Variants in CLNK observed in about 807,000 individuals in gnomAD.
CLNK encodes the protein cytokine dependent hematopoietic cell linker.
A neutral mutation model predicts 68.6 loss-of-function variants in CLNK; 74 were observed. The ratio of observed to expected loss-of-function variants is 1.08; its 90% CI spans 0.89 to 1.31. The LOEUF (loss-of-function observed/expected upper bound fraction) is 1.31. CLNK is among the 50% of genes most tolerant of loss of function. The probability of loss-of-function intolerance (pLI) is 0.00; values close to 1 mark genes in which losing one functional copy is unlikely to be tolerated. For synonymous variants in CLNK, 198 were observed against 172.2 expected (o/e 1.15, Z -1.17); for missense variants, 553 against 515.3 (o/e 1.07, Z -0.71).
chr4:10,537,706 C>CCTTCCTTGCTTT (rs1553848181), intron 11 of CLNK, among the ~76,000 whole-genome samples: 1 of 13,376 alleles, frequency 7.5e-5, no homozygotes, highest in African/African-American at 2.7e-4. Flanking sequence ...TTCCTTCCTT[C>CCTTCCTTGCTTT]CTTTCTTTCT....
intron 1 of CLNK, among the ~76,000 whole-genome samples, chr4:10,683,083 G>C (rs1037696511): frequency 1.3e-5 from 2 of 152,046 alleles, no homozygotes; most frequent in Non-Finnish European, 2.9e-5. Context: ...TATTATTGAG[G>C]CTAAATAATT....
At chr4:10,568,595 A>C (rs1219713046) in intron 5 of CLNK, among the ~76,000 whole-genome samples, 1 of 152,252 alleles carries the variant, frequency 6.6e-6, no homozygotes, top group African/African-American at 2.4e-5. Context: ...GAGATCTGGC[A>C]GAAGGACAAT....
At chr4:10,608,131 G>A (rs1721857393) in intron 2 of CLNK, among the ~76,000 whole-genome samples, 1 of 152,050 alleles carries the variant, frequency 6.6e-6, no homozygotes, top group African/African-American at 2.4e-5. Flanking sequence ...TCTTTCTCCC[G>A]GACCCCTGCA....
chr4:10,580,102 T>C (rs1469289815), intron 4 of CLNK, among the ~76,000 whole-genome samples: 1 of 152,200 alleles, frequency 6.6e-6, no homozygotes, highest in Non-Finnish European at 1.5e-5. Context: ...CATGTGTCCA[T>C]GTTGTTTTAT....
intron 7 of CLNK, among the ~76,000 whole-genome samples, chr4:10,562,776 C>T (rs1224980582): frequency 3.9e-5 from 6 of 152,104 alleles, no homozygotes; most frequent in African/African-American, 1.2e-4. Context: ...TTTTCCTTGA[C>T]CTTCCTTGTC....
chr4:10,508,081 G>T, intron 16 of CLNK, 45 bp from the exon 17 acceptor site: 1 of 1,415,992 alleles, frequency 7.1e-7, no homozygotes, highest in East Asian at 2.3e-5. Context: ...TCAATGGGAA[G>T]TATGAATTAT....
intron 8 of CLNK, among the ~76,000 whole-genome samples, chr4:10,555,008 C>T (rs1365792131): frequency 2.0e-5 from 3 of 152,202 alleles, no homozygotes; most frequent in African/African-American, 4.8e-5. Flanking sequence ...CTTGAGCAAG[C>T]CACTTCCCTT....
At chr4:10,654,619 A>G (rs1032142416) in intron 2 of CLNK, among the ~76,000 whole-genome samples, 4 of 151,572 alleles carry the variant, frequency 2.6e-5, no homozygotes, top group Admixed American at 1.3e-4. Context: ...ATAAAATTTA[A>G]TTACTTATAG....
chr4:10,575,129 C>T (rs967581904), intron 4 of CLNK, among the ~76,000 whole-genome samples: 2 of 152,194 alleles, frequency 1.3e-5, no homozygotes, highest in African/African-American at 4.8e-5. Flanking sequence ...CTGAGTTGAG[C>T]CCAGTCTCTC....
chr4:10,620,169 T>C (rs964559100), intron 2 of CLNK, among the ~76,000 whole-genome samples: 3 of 152,122 alleles, frequency 2.0e-5, no homozygotes, highest in Non-Finnish European at 2.9e-5. Context: ...GCCTAAGCAC[T>C]CACATCTCCT....
chr4:10,716,258 C>A, the CLNK span, among the ~76,000 whole-genome samples: 1 of 152,008 alleles, frequency 6.6e-6, no homozygotes, highest in Non-Finnish European at 1.5e-5. Context: ...GTTGAGGATT[C>A]TGATAGGATC....
the CLNK span, among the ~76,000 whole-genome samples, chr4:10,713,986 C>T: frequency 6.6e-6 from 1 of 152,178 alleles, no homozygotes; most frequent in Non-Finnish European, 1.5e-5. Context: ...CAGCTCGAAA[C>T]ATTATCGGCC....
chr4:10,490,640 AC>A, intron 18 of CLNK, 27 bp from the exon 19 acceptor site: 2 of 1,542,886 alleles, frequency 1.3e-6, no homozygotes, highest in Non-Finnish European at 1.8e-6. Flanking sequence ...AAAGTTAATG[AC>A]TTTTAAAATA....
intron 8 of CLNK, among the ~76,000 whole-genome samples, chr4:10,552,370 C>T (rs1239811843): frequency 9.9e-5 from 15 of 152,162 alleles, no homozygotes; most frequent in Non-Finnish European, 1.8e-4. Flanking sequence ...CCAGCTAAGG[C>T]GCAGACATAA....
intron 5 of CLNK, among the ~76,000 whole-genome samples, chr4:10,569,429 G>C (rs1355644912): frequency 6.6e-6 from 1 of 152,172 alleles, no homozygotes; most frequent in African/African-American, 2.4e-5. Context: ...CACAGGGAGA[G>C]GGTAGTCATT....
intron 18 of CLNK, among the ~76,000 whole-genome samples, chr4:10,499,297 A>C (rs1577087605): frequency 6.6e-6 from 1 of 152,220 alleles, no homozygotes; most frequent in African/African-American, 2.4e-5. Context: ...TTGTTCAGGT[A>C]TGCTCTCATT....
intron 10 of CLNK, among the ~76,000 whole-genome samples, chr4:10,541,694 G>C (rs7688620): frequency 0.076 from 11,565 of 151,854 alleles, 946 homozygotes; most frequent in African/African-American, 0.19. Context: ...AGAAGTATAC[G>C]CAGCAATACC....
chr4:10,595,724 T>TA (rs1284692142), intron 3 of CLNK, among the ~76,000 whole-genome samples: 2 of 152,154 alleles, frequency 1.3e-5, no homozygotes, highest in African/African-American at 4.8e-5. Flanking sequence ...AGCTGCCATT[T>TA]ACCATATCAC....
At chr4:10,580,393 C>T (rs1034557607) in intron 4 of CLNK, among the ~76,000 whole-genome samples, 15 of 152,068 alleles carry the variant, frequency 9.9e-5, no homozygotes, top group Admixed American at 8.5e-4. Context: ...TTAAAGCATC[C>T]CGCTACTGAT....
Sources: allele counts gnomAD v4.1 joint callset (sites outside exome capture counted in the v4.1 genomes callset), GRCh38; gene constraint gnomAD v4.1.1; transcripts MANE v1.5; gene names NCBI Gene and HGNC (gene_info 2026-07-23, HGNC 2026-07-21).